The following DCAF11 variants were observed in gnomAD, a reference collection of about 807,000 sequenced individuals.
DCAF11 encodes the protein DDB1- and CUL4-associated factor 11.
A neutral mutation model predicts 76.1 loss-of-function variants in DCAF11; 44 were observed. That is an observed-to-expected ratio of 0.58 (90% CI 0.45 to 0.74). The LOEUF is 0.74. Ranked by LOEUF, DCAF11 falls within the 30% of genes least tolerant of loss-of-function variation. DCAF11 has a pLI of 0.00. For synonymous variants in DCAF11, 258 were observed against 255.0 expected (o/e 1.01, Z -0.11); for missense variants, 604 against 709.4 (o/e 0.85, Z 1.69).
chr14:24,123,174 G>T lies in DCAF11; in HGVS notation c.1507-1G>T, dbSNP rs1487312547. ...ACTGCTTGCCACCCTCTGCCCTGCA[G>T]TGGGACGGGAACCTGCGTCTGTGGC... On this transcript the variant is annotated splice_acceptor_variant, in intron 14 of 14. Transcript: ENST00000446197. LOFTEE classifies it high-confidence loss of function. 6.2e-7 allele frequency: 1 copy of T among 1,612,774 alleles called. No homozygotes were observed. The highest frequency in any genetic ancestry group is 1.3e-5 in the African/African-American group (1 of 74,914).
In DCAF11 at chr14:24,119,576, T is replaced by C; in HGVS notation, c.866T>C (p.Leu289Pro). 1.2e-6 allele frequency: 2 copies of C among 1,614,232 alleles called. No individual in the cohort carries two copies. Among genetic ancestry groups the C allele is most frequent in the Middle Eastern group, 1.6e-4 (1 of 6,062 alleles). ...EVLGGANDGC[L>P]YVFDREQNRR... ...CCTTTCAGGGCCAATGATGGCTGCC[T>C]GTATGTCTTTGACCGAGAACAGAAC... Residue 289 changes from leucine (L) to proline (P), a missense_variant, in exon 10 of 15, where the codon CTG becomes CCG. Leu to Pro is a moderately conservative substitution (Grantham distance 98). Transcript: ENST00000446197.
Position 24,123,529 on chromosome 14 carries a change from T to G in DCAF11, c.*220T>G. ...CCCAGTCAGCTTGGGTCCCTATCTC[T>G]GGCCAGAGTTTGGCAGGACTGCCAT... On this transcript the variant is annotated 3_prime_UTR_variant, in exon 15 of 15. Transcript: ENST00000446197. 1.7e-6 allele frequency: 1 copy of G among 597,968 alleles called. No homozygotes were observed. Among genetic ancestry groups the G allele is most frequent in the Non-Finnish European group, 2.5e-6 (1 of 395,298 alleles). 37.0% of individuals were successfully genotyped at this position (597,968 alleles called of 1,614,324 possible). A position where few individuals can be genotyped will look rare whatever the true frequency, so the allele number is the denominator to read the frequency against.
Position 24,117,003 on chromosome 14 carries a change from G to A in DCAF11, c.242G>A (p.Arg81Lys), listed in dbSNP as rs1345514729. ...TTGGACTCAGAGGAAGAGAATGACA[G>A]AGCTTGGGATGGTCGTCTTGGGGAT... ...ALLDSEEEND[R>K]AWDGRLGDRY... is the part of the protein sequence containing the mutation. The change falls in exon 3 of 15, where the codon AGA becomes AAA. Residue 81 changes from arginine to lysine, a missense_variant. Physicochemically the swap from Arg to Lys is conservative, Grantham distance 26. Coordinates refer to ENST00000446197, the MANE Select transcript of DCAF11 (RefSeq NM_025230.5). The surrounding 1 kb of genome is among the most constrained non-coding windows in gnomAD (Gnocchi z 4.3). The A allele has an allele frequency of 2.5e-6, 4 of 1,614,242 alleles. No homozygotes were observed. Among genetic ancestry groups the A allele is most frequent in the Non-Finnish European group, 3.4e-6 (4 of 1,180,048 alleles).
chr14:24,118,715 C>T (rs1319781170), intron 7 of DCAF11, 35 bp from the exon 8 acceptor site: 1 of 1,611,686 alleles, frequency 6.2e-7, no homozygotes, highest in East Asian at 2.2e-5. Flanking sequence ...CTTCCCCCAT[C>T]CCTGAAAGAT....
At chr14:24,118,625 G>C (rs370333292) in intron 7 of DCAF11, 91 bp downstream of exon 7, 1 of 1,595,650 alleles carries the variant, frequency 6.3e-7, no homozygotes, top group African/African-American at 1.3e-5. Context: ...CCCTCACTTT[G>C]TCCTGGGAAA....
chr14:24,121,850 A>C, intron 13 of DCAF11: 1 of 255,436 alleles, frequency 3.9e-6, no homozygotes, highest in Non-Finnish European at 7.6e-6. Context: ...CAAGTAGTTA[A>C]GGGACATGCA....
Position 24,118,400 on chromosome 14 carries a change from G to A in DCAF11, c.590G>A (p.Arg197Gln), listed in dbSNP as rs993026594. 5 of 1,614,032 alleles carry A rather than the reference G, an allele frequency of 3.1e-6. No homozygotes were observed. Among genetic ancestry groups the A allele is most frequent in the East Asian group, 4.5e-5 (2 of 44,894 alleles). The change falls in exon 7 of 15, where the codon CGA (arginine) becomes CAA (glutamine). Residue 197 changes from arginine to glutamine, a missense_variant. Transcript: ENST00000446197. ...FMSACQDQTI[R>Q]LYDCRYGRFR... ...TTTACTTACACAGACCAGACAATCC[G>A]ACTCTATGACTGCCGATATGGCCGT... is the stretch of plus-strand genomic sequence containing the variant.
chr14:24,123,358 C>T lies in DCAF11; in HGVS notation c.*49C>T, dbSNP rs769522799. ...GGTGAACCTCTTGATAAGCTCTCTG[C>T]CTCCTCCTCCCTTTCTCCCTTGTGG... On this transcript the variant is annotated 3_prime_UTR_variant, in exon 15 of 15. Coordinates refer to ENST00000446197, the MANE Select transcript of DCAF11 (RefSeq NM_025230.5). The T allele has an allele frequency of 1.3e-6, 2 of 1,500,264 alleles. No individual in the cohort carries two copies. Among genetic ancestry groups the T allele is most frequent in the East Asian group, 2.3e-5 (1 of 43,116 alleles). 92.9% of individuals were successfully genotyped at this position (1,500,264 alleles called of 1,614,324 possible).
At chr14:24,116,068 G>T (rs1411193238) in intron 2 of DCAF11, among the ~76,000 whole-genome samples, 1 of 151,620 alleles carries the variant, frequency 6.6e-6, no homozygotes, top group African/African-American at 2.4e-5. Flanking sequence ...GGGTCCTAGT[G>T]GGAAAGGAGT....
At position 24,121,003 on chromosome 14, in the gene DCAF11, A is replaced by C. The variant is rs375397580; in HGVS notation, c.1246+12A>C. The stretch of plus-strand genomic sequence containing the variant: ...AGTGCCCAAAAAAGGTGAGACTGGA[A>C]GTACAGGCACAGTGGATTTGTCTGT... On this transcript the variant is annotated intron_variant, in intron 12 of 14. Coordinates refer to ENST00000446197, the MANE Select transcript of DCAF11 (RefSeq NM_025230.5). 6.2e-7 allele frequency: 1 copy of C among 1,613,916 alleles called. No homozygotes were observed. The highest frequency in any genetic ancestry group is 8.5e-7 in the Non-Finnish European group (1 of 1,179,982).
rs370319975 is a variant in DCAF11, at chr14:24,119,924, C to G, written c.1092+28C>G. ...GGGCCAGAAGTCAGGACTGTACAGC[C>G]AGGCCGCTAAGGTTCTAGTTGCCCA... On this transcript the variant is annotated intron_variant, in intron 11 of 14. Transcript: ENST00000446197. 5.0e-4 allele frequency: 790 copies of G among 1,575,178 alleles called. 1 individual carries two copies. The highest frequency in any genetic ancestry group is 6.4e-4 in the Non-Finnish European group (743 of 1,157,666).
chr14:24,115,723 C>T lies in DCAF11; in HGVS notation c.129C>T (p.Ala43=). 4 of 1,613,816 alleles carry T rather than the reference C, an allele frequency of 2.5e-6. No homozygotes were observed. Among genetic ancestry groups the T allele is most frequent in the Non-Finnish European group, 2.5e-6 (3 of 1,179,892 alleles). Residue 43 remains alanine (A), a synonymous_variant, in exon 2 of 15, where the codon GCC becomes GCT. Coordinates refer to ENST00000446197, the MANE Select transcript of DCAF11 (RefSeq NM_025230.5). ...EEEEDEDVDL[A]QVLAYLLRRG... Reference sequence around the variant, plus strand: ...AAGAGGATGAAGATGTGGATCTGGCCCAGGTACTGGCCTATCTCCTCCGCA... The same window carrying T: ...AAGAGGATGAAGATGTGGATCTGGCTCAGGTACTGGCCTATCTCCTCCGCA...
In DCAF11 at chr14:24,119,402, TC is replaced by T. The variant is rs1196277051; in HGVS notation, c.849-155del. On this transcript the variant is annotated intron_variant, in intron 9 of 14. Transcript: ENST00000446197. ...AGCACGAGATTGGAGGTGTCAAGCC[TC>T]CTTGAAACACAGCTAACTCTTCCCC... The T allele has an allele frequency of 4.2e-6, 5 of 1,204,714 alleles. No homozygotes were observed. The African/African-American group carries it at 7.6e-5, about 18-fold the overall frequency. 74.6% of individuals were successfully genotyped at this position (1,204,714 alleles called of 1,614,324 possible).
In DCAF11 at chr14:24,118,015, C is replaced by T. The variant is rs767176066; in HGVS notation, c.477-40C>T. On this transcript the variant is annotated intron_variant, in intron 5 of 14. Coordinates refer to ENST00000446197, the MANE Select transcript of DCAF11 (RefSeq NM_025230.5). ...TCTGCTGATTGGGACACTCCTTATC[C>T]TGAGCACCCCTCACCCTCACTTTCT... The T allele has an allele frequency of 1.3e-5, 18 of 1,409,694 alleles. No homozygotes were observed. The South Asian group carries it at 1.8e-4, about 14-fold the overall frequency. The allele number at this position is 1,409,694 out of a possible 1,614,324, so 87.3% of individuals were successfully genotyped here.
At position 24,117,320 on chromosome 14, in the gene DCAF11, T is replaced by A; in HGVS notation, c.338T>A (p.Val113Glu). Residue 113 changes from valine to glutamate, a missense_variant, in exon 4 of 15, where the codon GTG becomes GAG. Coordinates refer to ENST00000446197, the MANE Select transcript of DCAF11 (RefSeq NM_025230.5). The surrounding 1 kb of genome is among the most constrained non-coding windows in gnomAD (Gnocchi z 4.3). ...ELEFNEIKTQVELATGQLGLR... is the reference protein window; with the variant it reads ...ELEFNEIKTQEELATGQLGLR... Reference sequence around the variant, plus strand: ...GAATTCAATGAGATCAAGACACAAGTGGAACTGGCCACAGGGCAGCTGGGG... The same window carrying A: ...GAATTCAATGAGATCAAGACACAAGAGGAACTGGCCACAGGGCAGCTGGGG... 6.2e-7 allele frequency: 1 copy of A among 1,614,196 alleles called. No individual in the cohort carries two copies. The highest frequency in any genetic ancestry group is 8.5e-7 in the Non-Finnish European group (1 of 1,180,040).
intron 1 of DCAF11, 34 bp from the exon 2 acceptor site, chr14:24,115,348 A>C: frequency 2.4e-6 from 1 of 413,694 alleles, no homozygotes; most frequent in Non-Finnish European, 4.2e-6. Context: ...AGGGTAGCGC[A>C]CTACGGTTCA....
At chr14:24,120,368 A>C (rs373950619) in intron 11 of DCAF11, among the ~76,000 whole-genome samples, 1 of 152,128 alleles carries the variant, frequency 6.6e-6, no homozygotes, top group East Asian at 1.9e-4. Context: ...CATCCTGGCT[A>C]ACATGGTGAA....
rs1051216431 is a variant in DCAF11, at chr14:24,117,564, G to A, written c.412-104G>A. ...CTGTGGGACAGACTATGATGTGTGTGTCCATTTCTATAACAAGAGCAATAT... is the reference window on the plus strand; with the variant it reads ...CTGTGGGACAGACTATGATGTGTGTATCCATTTCTATAACAAGAGCAATAT... On this transcript the variant is annotated intron_variant, in intron 4 of 14. Transcript: ENST00000446197. The surrounding 1 kb of genome is among the most constrained non-coding windows in gnomAD (Gnocchi z 4.3). 1 of 1,522,798 alleles carries A rather than the reference G, an allele frequency of 6.6e-7. No homozygotes were observed. The highest frequency in any genetic ancestry group is 1.8e-5 in the Admixed American group (1 of 55,132). The allele number at this position is 1,522,798 out of a possible 1,614,324, so 94.3% of individuals were successfully genotyped here. A position where few individuals can be genotyped will look rare whatever the true frequency, so the allele number is the denominator to read the frequency against.
chr14:24,117,756 G>A lies in DCAF11; in HGVS notation c.476+24G>A, dbSNP rs1420089706. 1 of 1,611,264 alleles carries A rather than the reference G, an allele frequency of 6.2e-7. No individual in the cohort carries two copies. ...CAGTGAGTATGGGGCTTGGTGAAGA[G>A]ACTCTAAGGGCCAGATAGGTCTTAT... On this transcript the variant is annotated intron_variant, in intron 5 of 14. Coordinates refer to ENST00000446197, the MANE Select transcript of DCAF11 (RefSeq NM_025230.5). This position sits in a 1 kb window ranked among gnomAD's most constrained non-coding sequence, Gnocchi z 4.3.
Sources: allele counts gnomAD v4.1 joint callset (sites outside exome capture counted in the v4.1 genomes callset), GRCh38; gene constraint gnomAD v4.1.1; non-coding constraint Gnocchi (gnomAD v3.1); transcripts MANE v1.5; gene names NCBI Gene and HGNC (gene_info 2026-07-23, HGNC 2026-07-21).